The following ASCC3 variants were observed in gnomAD, a reference collection of about 807,000 sequenced individuals.
The protein encoded by ASCC3 is ASC-1 complex subunit P200.
A neutral mutation model predicts 256.3 loss-of-function variants in ASCC3; 158 were observed. The observed-to-expected ratio is 0.62, with a 90% CI of 0.54 to 0.70. ASCC3 has a LOEUF of 0.70. Ranked by LOEUF, ASCC3 falls within the 30% of genes least tolerant of loss-of-function variation. The probability of loss-of-function intolerance (pLI) is 0.00; values close to 1 mark genes in which losing one functional copy is unlikely to be tolerated. For missense variants in ASCC3, 2,259 were observed against 2,626.0 expected (o/e 0.86, Z 3.05); for synonymous variants, 948 against 883.4 (o/e 1.07, Z -1.30).
chr6:100,694,311 T>TAA (rs369515563), intron 13 of ASCC3, among the ~76,000 whole-genome samples: 21 of 130,830 alleles, frequency 1.6e-4, no homozygotes, highest in South Asian at 2.4e-4. Context: ...TAGAATAAAT[T>TAA]AAAAAAAAAA....
At chr6:100,753,936 C>T (rs1220272596) in intron 10 of ASCC3, among the ~76,000 whole-genome samples, 1 of 152,080 alleles carries the variant, frequency 6.6e-6, no homozygotes, top group Non-Finnish European at 1.5e-5. Flanking sequence ...AATATGGTCA[C>T]TATATGACAC....
chr6:100,593,753 C>T (rs573478187), intron 34 of ASCC3, among the ~76,000 whole-genome samples: 4 of 152,122 alleles, frequency 2.6e-5, no homozygotes, highest in South Asian at 2.1e-4. Flanking sequence ...ACACAAATAG[C>T]GAAAGTGGTT....
intron 4 of ASCC3, among the ~76,000 whole-genome samples, chr6:100,841,200 C>CT (rs1005272275): frequency 5.3e-5 from 8 of 152,068 alleles, no homozygotes; most frequent in Admixed American, 2.0e-4. Flanking sequence ...TGAATGCTAG[C>CT]TACAGCAAAG....
intron 5 of ASCC3, among the ~76,000 whole-genome samples, chr6:100,804,226 A>AT (rs1355841979): frequency 1.3e-5 from 2 of 152,116 alleles, no homozygotes; most frequent in Admixed American, 6.6e-5. Flanking sequence ...TTCAGCAAAA[A>AT]TTTAAAAAGT....
At chr6:100,700,424 G>A (rs1364460035) in intron 13 of ASCC3, among the ~76,000 whole-genome samples, 4 of 152,062 alleles carry the variant, frequency 2.6e-5, no homozygotes, top group African/African-American at 9.7e-5. Context: ...GCTAGGGTGG[G>A]AGCCTCCACA....
chr6:100,756,256 CT>C (rs1376187459), intron 10 of ASCC3, among the ~76,000 whole-genome samples: 1 of 151,488 alleles, frequency 6.6e-6, no homozygotes. Context: ...AGGTAGAATA[CT>C]TTTGTGCTTC....
At chr6:100,788,386 T>C (rs956903837) in intron 8 of ASCC3, among the ~76,000 whole-genome samples, 6 of 152,032 alleles carry the variant, frequency 3.9e-5, no homozygotes, top group African/African-American at 1.4e-4. Context: ...AAATGCTCCA[T>C]TCATTTTGGA....
At chr6:100,710,533 C>T (rs898849967) in intron 13 of ASCC3, among the ~76,000 whole-genome samples, 1 of 152,100 alleles carries the variant, frequency 6.6e-6, no homozygotes, top group South Asian at 2.1e-4. Context: ...AATGGATTTA[C>T]AATAAAAATA....
intron 10 of ASCC3, among the ~76,000 whole-genome samples, chr6:100,765,760 C>G (rs1281277341): frequency 6.6e-6 from 1 of 152,202 alleles, no homozygotes; most frequent in Non-Finnish European, 1.5e-5. Context: ...GTCTCAGATA[C>G]TTTTGGTCTA....
At chr6:100,685,588 G>C (rs968486439) in intron 13 of ASCC3, among the ~76,000 whole-genome samples, 1 of 152,162 alleles carries the variant, frequency 6.6e-6, no homozygotes, top group Non-Finnish European at 1.5e-5. Flanking sequence ...TCCATCATAA[G>C]TTAAAAAAAT....
At chr6:100,742,325 G>A (rs1780474932) in intron 10 of ASCC3, among the ~76,000 whole-genome samples, 2 of 152,096 alleles carry the variant, frequency 1.3e-5, no homozygotes, top group Non-Finnish European at 2.9e-5. Context: ...TCTGTTGGGA[G>A]GTCTCACCCA....
intron 33 of ASCC3, among the ~76,000 whole-genome samples, chr6:100,603,678 T>G (rs1046046054): frequency 6.6e-6 from 1 of 152,148 alleles, no homozygotes; most frequent in Non-Finnish European, 1.5e-5. Flanking sequence ...TTCATCAATT[T>G]TTTTTACATC....
intron 30 of ASCC3, among the ~76,000 whole-genome samples, chr6:100,612,563 G>C (rs1034880349): frequency 6.6e-6 from 1 of 151,948 alleles, no homozygotes; most frequent in African/African-American, 2.4e-5. Flanking sequence ...AAGTTCTGAA[G>C]TTTTATTTTT....
At chr6:100,800,116 T>A (rs888262484) in intron 6 of ASCC3, among the ~76,000 whole-genome samples, 184 bp downstream of exon 6, 16 of 152,028 alleles carry the variant, frequency 1.1e-4, no homozygotes, top group Admixed American at 1.1e-3. Flanking sequence ...ATATTCTAAT[T>A]AAGCAGACAG....
At chr6:100,587,381 T>C (rs906727957) in intron 36 of ASCC3, among the ~76,000 whole-genome samples, 1 of 152,176 alleles carries the variant, frequency 6.6e-6, no homozygotes, top group Non-Finnish European at 1.5e-5. Context: ...ACAATCTTGC[T>C]GTATTATTTA....
At chr6:100,576,898 G>C (rs1770894850) in intron 36 of ASCC3, among the ~76,000 whole-genome samples, 1 of 151,030 alleles carries the variant, frequency 6.6e-6, no homozygotes, top group African/African-American at 2.4e-5. Flanking sequence ...TCTCAAAAGA[G>C]ATGTCACAGG....
chr6:100,831,189 C>G (rs560029005), intron 4 of ASCC3, among the ~76,000 whole-genome samples: 9 of 151,896 alleles, frequency 5.9e-5, no homozygotes, highest in African/African-American at 2.2e-4. Context: ...TAAATTTCTT[C>G]TAAAAATTAT....
intron 10 of ASCC3, among the ~76,000 whole-genome samples, chr6:100,764,550 A>G (rs1205616581): frequency 1.3e-5 from 2 of 152,254 alleles, no homozygotes; most frequent in African/African-American, 4.8e-5. Context: ...GATGTCATAT[A>G]TAAGGCACTT....
intron 25 of ASCC3, among the ~76,000 whole-genome samples, chr6:100,634,996 T>A (rs1034631786): frequency 2.0e-5 from 3 of 151,592 alleles, no homozygotes. Flanking sequence ...TGGAAGACAA[T>A]CTGGAATTTC....
Sources: allele counts gnomAD v4.1 joint callset (sites outside exome capture counted in the v4.1 genomes callset), GRCh38; gene constraint gnomAD v4.1.1; transcripts MANE v1.5; gene names NCBI Gene and HGNC (gene_info 2026-07-23, HGNC 2026-07-21).